SPAG16: variants seen among roughly 807,000 people sequenced by gnomAD.
SPAG16 encodes the protein sperm associated antigen 16, also known as sperm-associated antigen 16 protein.
A neutral mutation model predicts 80.4 loss-of-function variants in SPAG16; 86 were observed. That is an observed-to-expected ratio of 1.07 (90% CI 0.90 to 1.28). SPAG16 has a LOEUF of 1.28. Among genes scored for constraint, SPAG16 ranks in the 50% most tolerant of loss-of-function variants. SPAG16 has a pLI of 0.00. For missense variants in SPAG16, 870 were observed against 765.3 expected, an observed-to-expected ratio of 1.14 and a Z score of -1.61; for synonymous variants, 294 against 265.9, an observed-to-expected ratio of 1.11 and a Z score of -1.03.
At chr2:214,220,940 G>A (rs963402413) in intron 15 of SPAG16, among the ~76,000 whole-genome samples, 1 of 152,044 alleles carries the variant, frequency 6.6e-6, no homozygotes, top group Non-Finnish European at 1.5e-5. Context: ...CTGCCTTAGG[G>A]GTGAGCATGT....
chr2:213,809,328 G>A (rs1337183918), intron 10 of SPAG16, among the ~76,000 whole-genome samples: 3 of 152,122 alleles, frequency 2.0e-5, no homozygotes, highest in Non-Finnish European at 2.9e-5. Context: ...GAAGTCTTTG[G>A]TTCTGTGGAA....
intron 15 of SPAG16, among the ~76,000 whole-genome samples, chr2:214,189,360 A>G (rs1038406313): frequency 6.6e-6 from 1 of 152,006 alleles, no homozygotes; most frequent in Admixed American, 6.6e-5. Context: ...AAGCTATTAA[A>G]CACTGAATGC....
At chr2:213,669,181 C>T (rs1173845978) in intron 10 of SPAG16, among the ~76,000 whole-genome samples, 1 of 152,124 alleles carries the variant, frequency 6.6e-6, no homozygotes, top group Non-Finnish European at 1.5e-5. Context: ...TTTCCAGTGG[C>T]ATTCTTAACT....
intron 13 of SPAG16, among the ~76,000 whole-genome samples, chr2:214,032,726 A>G (rs2048476594): frequency 6.6e-6 from 1 of 152,226 alleles, no homozygotes; most frequent in Admixed American, 6.5e-5. Context: ...TTTGGAAAAG[A>G]TAAAGTAAAA....
chr2:214,245,801 T>C (rs1386098574), intron 15 of SPAG16, among the ~76,000 whole-genome samples: 1 of 152,188 alleles, frequency 6.6e-6, no homozygotes. Context: ...ATTTGCACTG[T>C]TTTATTGGGT....
intron 13 of SPAG16, 114 bp from the exon 14 acceptor site, chr2:214,108,082 A>G (rs2053470755): frequency 2.8e-6 from 2 of 705,494 alleles, no homozygotes; most frequent in Admixed American, 5.3e-5. Flanking sequence ...GTGAGAATGT[A>G]TTAATTCTGG....
chr2:213,712,803 A>G (rs1425020088), intron 10 of SPAG16, among the ~76,000 whole-genome samples: 1 of 152,116 alleles, frequency 6.6e-6, no homozygotes, highest in East Asian at 1.9e-4. Flanking sequence ...AGCATCTTTT[A>G]TTTTTGTTTG....
At chr2:214,113,194 G>T (rs980037756) in intron 14 of SPAG16, among the ~76,000 whole-genome samples, 2 of 152,184 alleles carry the variant, frequency 1.3e-5, no homozygotes, top group African/African-American at 2.4e-5. Context: ...TCCTCTGTTA[G>T]TCTGATGGGC....
intron 10 of SPAG16, among the ~76,000 whole-genome samples, chr2:213,850,414 T>C (rs928009216): frequency 7.9e-5 from 12 of 152,194 alleles, no homozygotes; most frequent in African/African-American, 2.7e-4. Flanking sequence ...GGGAAAACTG[T>C]CTATGTTTAG....
At chr2:213,541,373 C>T (rs1415677115) in intron 10 of SPAG16, among the ~76,000 whole-genome samples, 2 of 152,174 alleles carry the variant, frequency 1.3e-5, no homozygotes, top group Admixed American at 6.5e-5. Flanking sequence ...AATCCTAGCA[C>T]TTTGGGAGGC....
chr2:213,493,905 C>T (rs1451452948), intron 10 of SPAG16, among the ~76,000 whole-genome samples: 1 of 152,166 alleles, frequency 6.6e-6, no homozygotes, highest in Non-Finnish European at 1.5e-5. Context: ...AATTAATAGC[C>T]TCCACTTGTC....
chr2:214,154,667 C>CA (rs2056134579), intron 15 of SPAG16, among the ~76,000 whole-genome samples: 1 of 152,054 alleles, frequency 6.6e-6, no homozygotes, highest in African/African-American at 2.4e-5. Context: ...AGGGAGAGAA[C>CA]ATTTATTTAG....
intron 15 of SPAG16, among the ~76,000 whole-genome samples, chr2:214,216,990 T>C (rs2058447771): frequency 6.6e-6 from 1 of 152,216 alleles, no homozygotes; most frequent in South Asian, 2.1e-4. Context: ...ATTTTTACAA[T>C]CTTTTTTTAT....
At chr2:213,422,191 C>T in intron 9 of SPAG16, 1 of 701,152 alleles carries the variant, frequency 1.4e-6, no homozygotes, top group Non-Finnish European at 2.6e-6. Context: ...GACCTAGAAG[C>T]TCCACGAGCC....
intron 14 of SPAG16, among the ~76,000 whole-genome samples, chr2:214,142,440 A>T (rs996967775): frequency 4.6e-5 from 7 of 152,142 alleles, no homozygotes; most frequent in African/African-American, 1.4e-4. Flanking sequence ...ATGTTATGGA[A>T]AATTTTTGGT....
chr2:213,937,454 T>C (rs749712008), intron 12 of SPAG16, among the ~76,000 whole-genome samples: 14 of 152,026 alleles, frequency 9.2e-5, no homozygotes, highest in Non-Finnish European at 8.8e-5. Context: ...GATACTTAAA[T>C]TGACCTCTTG....
At chr2:213,783,118 A>G (rs1156339190) in intron 10 of SPAG16, among the ~76,000 whole-genome samples, 2 of 143,110 alleles carry the variant, frequency 1.4e-5, no homozygotes, top group Non-Finnish European at 3.0e-5. Flanking sequence ...TCATTGTTCA[A>G]TTCCCACCTA....
At chr2:213,560,770 TTTAG>T (rs2059575965) in intron 10 of SPAG16, among the ~76,000 whole-genome samples, 3 of 152,242 alleles carry the variant, frequency 2.0e-5, no homozygotes, top group African/African-American at 7.2e-5. Flanking sequence ...TTTTTATAAA[TTTAG>T]TTAGTAAAAG....
chr2:213,734,075 G>A (rs951780389), intron 10 of SPAG16, among the ~76,000 whole-genome samples: 17 of 152,218 alleles, frequency 1.1e-4, no homozygotes, highest in African/African-American at 3.4e-4. Flanking sequence ...TCACTTCTCT[G>A]TCTAAATTCT....
Sources: allele counts gnomAD v4.1 joint callset (sites outside exome capture counted in the v4.1 genomes callset), GRCh38; gene constraint gnomAD v4.1.1; transcripts MANE v1.5; gene names NCBI Gene and HGNC (gene_info 2026-07-23, HGNC 2026-07-21).